DNAH11: variants seen among roughly 807,000 people sequenced by gnomAD.
DNAH11 encodes the protein dynein axonemal heavy chain 11, also known as axonemal beta dynein heavy chain 11.
In DNAH11, 442 loss-of-function variants were observed where a neutral mutation model predicts 526.0. The ratio of observed to expected loss-of-function variants is 0.84; its 90% CI spans 0.78 to 0.91. DNAH11 has a LOEUF of 0.91. Among genes scored for constraint, DNAH11 ranks in the 40% least tolerant of loss-of-function variants. DNAH11 has a pLI of 0.00. For synonymous variants in DNAH11, 2,461 were observed against 1,935.9 expected (o/e 1.27, Z -7.12); for missense variants, 6,989 against 5,448.7 (o/e 1.28, Z -8.90).
At chr7:21,786,883 G>C in intron 59 of DNAH11, 116 bp downstream of exon 59, 4 of 1,409,806 alleles carry the variant, frequency 2.8e-6, no homozygotes, top group Non-Finnish European at 3.9e-6. Context: ...CTTCATAGTT[G>C]CTGAATGTAA....
intron 8 of DNAH11, among the ~76,000 whole-genome samples, chr7:21,578,637 C>A (rs1394524999): frequency 6.6e-6 from 1 of 152,202 alleles, no homozygotes; most frequent in African/African-American, 2.4e-5. Flanking sequence ...GGGCTCCAAC[C>A]CCACACTGCC....
intron 14 of DNAH11, among the ~76,000 whole-genome samples, chr7:21,591,900 C>G (rs1004136472): frequency 2.0e-5 from 3 of 152,144 alleles, no homozygotes; most frequent in Admixed American, 2.0e-4. Flanking sequence ...TTGACTGCCT[C>G]GTATGTGCCA....
chr7:21,829,592 G>T (rs1244201554), intron 65 of DNAH11, among the ~76,000 whole-genome samples: 1 of 152,174 alleles, frequency 6.6e-6, no homozygotes, highest in Non-Finnish European at 1.5e-5. Context: ...ATGGAAAATA[G>T]TGATGGTGTT....
At chr7:21,583,504 A>C (rs1485319710) in intron 9 of DNAH11, among the ~76,000 whole-genome samples, 1 of 152,196 alleles carries the variant, frequency 6.6e-6, no homozygotes, top group Non-Finnish European at 1.5e-5. Context: ...AGGCAATACC[A>C]TTCAGGACAT....
rs185054216 is a variant in DNAH11 at position 21,891,999 on chromosome 7, A to G, written c.12508-426A>G. ...GAAGTACAGGCTACAGAGTCCTACT[A>G]AAATGAGTTCAGAATTATGATTAAA... is the stretch of plus-strand genomic sequence containing the variant. On this transcript the variant is annotated intron_variant, in intron 76 of 81. Transcript: ENST00000409508. Among the ~76,000 whole-genome samples, 9 of 152,354 alleles carry G rather than the reference A, an allele frequency of 5.9e-5. No individual in the cohort carries two copies. The East Asian group carries it at 1.7e-3, about 29-fold the overall frequency.
intron 50 of DNAH11, 78 bp from the exon 51 acceptor site, chr7:21,744,792 C>T: frequency 6.6e-7 from 1 of 1,516,046 alleles, no homozygotes; most frequent in Non-Finnish European, 8.9e-7. Flanking sequence ...AAGCTTTTCC[C>T]TTGCTAGGCC....
chr7:21,854,078 G>A (rs1380726414), intron 67 of DNAH11, among the ~76,000 whole-genome samples: 1 of 152,112 alleles, frequency 6.6e-6, no homozygotes, highest in Non-Finnish European at 1.5e-5. Flanking sequence ...TGTTTAATCT[G>A]TAACCTAGAA....
At chr7:21,549,544 G>GT (rs762176973) in intron 2 of DNAH11, among the ~76,000 whole-genome samples, 5 of 152,112 alleles carry the variant, frequency 3.3e-5, no homozygotes, top group Non-Finnish European at 5.9e-5. Flanking sequence ...CCCTAGGGGG[G>GT]TTTTTCCCTG....
rs763372939 is a variant in DNAH11 at position 21,683,810 on chromosome 7, G to C, written c.5487G>C (p.Trp1829Cys). The change falls in exon 32 of 82, where the codon TGG (tryptophan) becomes TGC (cysteine). Residue 1829 changes from tryptophan (W) to cysteine (C), a missense_variant. Transcript: ENST00000409508. ...QKVVSPQAFT[W>C]LSQLRHRWED... ...TTGTCAGTCCCCAAGCTTTTACATG[G>C]CTGTCTCAACTTCGTCACCGATGGG... is the stretch of plus-strand genomic sequence containing the variant. 1.9e-6 allele frequency: 3 copies of C among 1,610,110 alleles called. No homozygotes were observed. Among genetic ancestry groups the C allele is most frequent in the African/African-American group, 1.3e-5 (1 of 74,796 alleles).
intron 28 of DNAH11, among the ~76,000 whole-genome samples, chr7:21,643,461 T>C (rs140969924): frequency 1.3e-5 from 2 of 152,318 alleles, no homozygotes; most frequent in African/African-American, 4.8e-5. Context: ...TAATCCACAA[T>C]AGAGCTATAC....
At chr7:21,574,809 A>T (rs982795935) in intron 8 of DNAH11, among the ~76,000 whole-genome samples, 2 of 107,682 alleles carry the variant, frequency 1.9e-5, no homozygotes, top group East Asian at 5.5e-4. Context: ...CAGATGATCC[A>T]CCCTCCTTGG....
At chr7:21,716,219 G>A (rs548136339) in intron 42 of DNAH11, among the ~76,000 whole-genome samples, 1 of 152,176 alleles carries the variant, frequency 6.6e-6, no homozygotes, top group South Asian at 2.1e-4. Flanking sequence ...AATCCAGGAT[G>A]CCAACTCTTG....
At position 21,765,506 on chromosome 7, in the gene DNAH11, G is replaced by C. The variant is rs375511101; in HGVS notation, c.9019G>C (p.Ala3007Pro). ...GTTCCCAGCCATAGTTAACTGCACG[G>C]CTATTGACTGGTTTCATGCGTGGCC... is the stretch of plus-strand genomic sequence containing the variant. Reference protein sequence around the residue: ...RKFPAIVNCTAIDWFHAWPQE... With the variant: ...RKFPAIVNCTPIDWFHAWPQE... The change falls in exon 55 of 82, where the codon GCT becomes CCT. Residue 3007 changes from alanine (A) to proline (P), a missense_variant. Ala to Pro is a conservative substitution (Grantham distance 27). Coordinates refer to ENST00000409508, the MANE Select transcript of DNAH11 (RefSeq NM_001277115.2). The C allele has an allele frequency of 6.2e-7, 1 of 1,613,824 alleles. No homozygotes were observed. The highest frequency in any genetic ancestry group is 8.5e-7 in the Non-Finnish European group (1 of 1,179,812).
At chr7:21,751,580 A>G (rs1479440862) in intron 54 of DNAH11, among the ~76,000 whole-genome samples, 1 of 152,094 alleles carries the variant, frequency 6.6e-6, no homozygotes, top group Non-Finnish European at 1.5e-5. Flanking sequence ...TGCTTCTCAT[A>G]TTGTTATGCC....
intron 56 of DNAH11, among the ~76,000 whole-genome samples, chr7:21,778,275 A>T (rs1787769687): frequency 6.6e-6 from 1 of 152,190 alleles, no homozygotes; most frequent in Non-Finnish European, 1.5e-5. Flanking sequence ...TTAGTGATGG[A>T]CTGATGGGAG....
rs536932803 is a variant in DNAH11, at chr7:21,570,285, T to G, written c.1411T>G (p.Leu471Val). The G allele has an allele frequency of 1.1e-5, 18 of 1,604,476 alleles. No individual in the cohort carries two copies. The East Asian group carries it at 3.1e-4, about 28-fold the overall frequency. The change falls in exon 7 of 82, where the codon TTA becomes GTA. Residue 471 changes from leucine to valine, a missense_variant. Physicochemically the swap from Leu to Val is conservative, Grantham distance 32 (BLOSUM62 1). Coordinates refer to ENST00000409508, the MANE Select transcript of DNAH11 (RefSeq NM_001277115.2). ...CAGATTTGACAAGTTTCTTGATCGTTTAATAAAAATAGAGGTATTCATTTT... is the reference window on the plus strand; with the variant it reads ...CAGATTTGACAAGTTTCTTGATCGTGTAATAAAAATAGAGGTATTCATTTT... ...FCRFDKFLDR[L>V]IKIEDIFATT...
chr7:21,781,368 G>T (rs370721259), intron 57 of DNAH11, among the ~76,000 whole-genome samples: 25 of 152,294 alleles, frequency 1.6e-4, no homozygotes, highest in Middle Eastern at 3.4e-3. Flanking sequence ...AATCAAGGGC[G>T]ATTTGAACCA....
intron 54 of DNAH11, among the ~76,000 whole-genome samples, chr7:21,750,962 G>A (rs564488279): frequency 6.6e-6 from 1 of 152,306 alleles, no homozygotes; most frequent in South Asian, 2.1e-4. Context: ...GAAGTGAGTA[G>A]TGAGGAGAGT....
Position 21,543,558 on chromosome 7 carries a change from A to C in DNAH11, c.313A>C (p.Ser105Arg). 1.2e-6 allele frequency: 2 copies of C among 1,606,624 alleles called. No homozygotes were observed. Among genetic ancestry groups the C allele is most frequent in the African/African-American group, 2.7e-5 (2 of 74,980 alleles). Reference sequence around the variant, plus strand: ...CACCAGCCCGGCTTGCCTTGTGTTTAGCTTCGCCGCCTCGGGGCGCCTTGC... The same window carrying C: ...CACCAGCCCGGCTTGCCTTGTGTTTCGCTTCGCCGCCTCGGGGCGCCTTGC... Reference protein sequence around the residue: ...ESTSPACLVFSFAASGRLAAS... With the variant: ...ESTSPACLVFRFAASGRLAAS... Residue 105 changes from serine to arginine, a missense_variant, in exon 1 of 82, where the codon AGC becomes CGC. By Grantham distance (110) the Ser-to-Arg change is moderately radical. Transcript: ENST00000409508.
Sources: gnomAD v4.1 joint callset for allele counts (sites outside exome capture counted in the v4.1 genomes callset) on GRCh38, gnomAD v4.1.1 for gene constraint, MANE v1.5 for transcripts, NCBI Gene and HGNC (gene_info 2026-07-23, HGNC 2026-07-21) for gene names.